The following LDLRAD4 variants were observed in gnomAD, a reference collection of about 807,000 sequenced individuals.
LDLRAD4 encodes low density lipoprotein receptor class A domain containing 4.
LDLRAD4 carries 5 observed loss-of-function variants against 17.0 expected under a neutral mutation model. The ratio of observed to expected loss-of-function variants is 0.29; its 90% confidence interval spans 0.15 to 0.62. The LOEUF is 0.62. LDLRAD4 is among the 20% of genes least tolerant of loss of function. The pLI, the probability that LDLRAD4 is intolerant of heterozygous loss-of-function variation, is 0.84. For missense variants in LDLRAD4, 340 were observed against 424.7 expected (o/e 0.80, Z 1.75); for synonymous variants, 168 against 171.8 (o/e 0.98, Z 0.17).
intron 1 of LDLRAD4, among the ~76,000 whole-genome samples, chr18:13,266,581 A>ATGTTT (rs1031284988): frequency 1.3e-5 from 2 of 152,166 alleles, no homozygotes; most frequent in African/African-American, 2.4e-5. Context: ...GGAATCAGTT[A>ATGTTT]TGTTTTGTTT....
chr18:13,394,182 C>G (rs1444010978), intron 2 of LDLRAD4, among the ~76,000 whole-genome samples: 1 of 152,182 alleles, frequency 6.6e-6, no homozygotes, highest in East Asian at 1.9e-4. Flanking sequence ...AGTTATAAAC[C>G]TAACCTTAAT....
intron 1 of LDLRAD4, among the ~76,000 whole-genome samples, chr18:13,317,019 G>A (rs1202798163): frequency 2.6e-5 from 4 of 152,150 alleles, no homozygotes; most frequent in African/African-American, 9.7e-5. Context: ...TGCTGCTTAC[G>A]ATAGACGTGC....
chr18:13,233,747 T>C (rs552530168), intron 1 of LDLRAD4, among the ~76,000 whole-genome samples: 1 of 152,250 alleles, frequency 6.6e-6, no homozygotes, highest in South Asian at 2.1e-4. Context: ...TTGAGACTGA[T>C]TATGTATTTC....
chr18:13,246,940 G>T (rs978819526), intron 1 of LDLRAD4, among the ~76,000 whole-genome samples: 3 of 144,742 alleles, frequency 2.1e-5, no homozygotes, highest in Admixed American at 1.4e-4. Flanking sequence ...ATCTACAAGG[G>T]TTTTTTTTTT....
At chr18:13,546,512 G>A (rs1260153714) in intron 3 of LDLRAD4, among the ~76,000 whole-genome samples, 1 of 152,052 alleles carries the variant, frequency 6.6e-6, no homozygotes, top group African/African-American at 2.4e-5. Context: ...GGGACTACAG[G>A]TGTGCACCAC....
At chr18:13,370,078 G>A (rs1451451667) in intron 1 of LDLRAD4, among the ~76,000 whole-genome samples, 1 of 152,238 alleles carries the variant, frequency 6.6e-6, no homozygotes, top group Non-Finnish European at 1.5e-5. Context: ...ATTCCTGGTT[G>A]CAGGTGGCCT....
chr18:13,274,345 C>T (rs1046815276), upstream of LDLRAD4, among the ~76,000 whole-genome samples: 1 of 152,172 alleles, frequency 6.6e-6, no homozygotes, highest in African/African-American at 2.4e-5. Context: ...GAGGGGTCGG[C>T]CAGTGACCCC....
chr18:13,579,046 C>G (rs1346518602), intron 3 of LDLRAD4, among the ~76,000 whole-genome samples: 13 of 151,678 alleles, frequency 8.6e-5, no homozygotes. Flanking sequence ...AAAAATTAGT[C>G]AGACGTGATG....
intron 1 of LDLRAD4, among the ~76,000 whole-genome samples, chr18:13,364,156 A>T (rs769102203): frequency 1.3e-5 from 2 of 152,232 alleles, no homozygotes; most frequent in Non-Finnish European, 2.9e-5. Context: ...CAAAAGATAT[A>T]TATGCAGAAT....
intron 1 of LDLRAD4, among the ~76,000 whole-genome samples, chr18:13,265,179 G>A (rs2044145912): frequency 6.6e-6 from 1 of 152,116 alleles, no homozygotes; most frequent in Non-Finnish European, 1.5e-5. Context: ...AACAGCCTCT[G>A]AACAGACTGC....
rs1425723610 is a variant in LDLRAD4 at position 13,624,971 on chromosome 18, T to TA, written c.336+3700_336+3701insA. Reference sequence around the variant, plus strand: ...CCCCTGCAAGCCCCTAAGCACCTCTTCCTTTCTCAGCACCAATGTCCGAGG... The same window carrying TA: ...CCCCTGCAAGCCCCTAAGCACCTCTTACCTTTCTCAGCACCAATGTCCGAGG... On this transcript the variant is annotated intron_variant, in intron 4 of 5. Transcript: ENST00000359446. Among the ~76,000 whole-genome samples, 3 of 152,266 alleles carry TA rather than the reference T, an allele frequency of 2.0e-5. No individual in the cohort carries two copies. The East Asian group carries it at 5.8e-4, about 29-fold the overall frequency.
At chr18:13,558,008 G>A (rs900870013) in intron 3 of LDLRAD4, among the ~76,000 whole-genome samples, 1 of 152,138 alleles carries the variant, frequency 6.6e-6, no homozygotes, top group Non-Finnish European at 1.5e-5. Flanking sequence ...ATAATGAATG[G>A]TTTTGCAAAC....
At chr18:13,425,230 A>G (rs1391750439) in intron 2 of LDLRAD4, among the ~76,000 whole-genome samples, 3 of 152,220 alleles carry the variant, frequency 2.0e-5, no homozygotes, top group South Asian at 2.1e-4. Flanking sequence ...CTTATAGGAA[A>G]AAATAAGGCA....
intron 3 of LDLRAD4, among the ~76,000 whole-genome samples, chr18:13,555,250 A>T (rs2094472647): frequency 6.6e-6 from 1 of 152,208 alleles, no homozygotes; most frequent in Non-Finnish European, 1.5e-5. Context: ...AATAAACTAT[A>T]GACTTTAGTT....
intron 1 of LDLRAD4, among the ~76,000 whole-genome samples, chr18:13,256,282 T>C (rs538443489): frequency 2.0e-4 from 30 of 152,278 alleles, no homozygotes; most frequent in African/African-American, 7.0e-4. Flanking sequence ...CCATTTGAGG[T>C]GAGTCCTCTC....
At position 13,621,395 on chromosome 18, in the gene LDLRAD4, G is replaced by A; in HGVS notation, c.336+124G>A. 5.7e-6 allele frequency: 4 copies of A among 704,244 alleles called. No homozygotes were observed. The highest frequency in any genetic ancestry group is 5.4e-5 in the East Asian group (2 of 37,102). 43.6% of individuals were successfully genotyped at this position (704,244 alleles called of 1,614,324 possible). ...TAACAAACGGGGCGAAGCGCACCTC[G>A]TAAGTGTTCCACTTAGTGAGTCCCC... is the stretch of plus-strand genomic sequence containing the variant. On this transcript the variant is annotated intron_variant, in intron 4 of 5. Transcript: ENST00000359446. The surrounding 1 kb of genome is among the most constrained non-coding windows in gnomAD (Gnocchi z 5.5).
chr18:13,418,547 G>T (rs2089150249), intron 2 of LDLRAD4, among the ~76,000 whole-genome samples: 1 of 152,200 alleles, frequency 6.6e-6, no homozygotes, highest in Non-Finnish European at 1.5e-5. Flanking sequence ...TCCATTGCAG[G>T]CCCTGTTGCT....
intron 1 of LDLRAD4, among the ~76,000 whole-genome samples, chr18:13,338,333 T>A (rs2082210222): frequency 6.6e-6 from 1 of 152,174 alleles, no homozygotes; most frequent in Non-Finnish European, 1.5e-5. Flanking sequence ...AGGTCAGGGA[T>A]GAGTGGGTAA....
intron 4 of LDLRAD4, among the ~76,000 whole-genome samples, chr18:13,632,517 G>A (rs1343967491): frequency 6.6e-6 from 1 of 152,190 alleles, no homozygotes; most frequent in African/African-American, 2.4e-5. Flanking sequence ...TCTGGATGAG[G>A]GGAATGTGAT....
Sources: allele counts gnomAD v4.1 joint callset (sites outside exome capture counted in the v4.1 genomes callset), GRCh38; gene constraint gnomAD v4.1.1; non-coding constraint Gnocchi (gnomAD v3.1); transcripts MANE v1.5; gene names NCBI Gene and HGNC (gene_info 2026-07-23, HGNC 2026-07-21).